FADD: variants seen among roughly 807,000 people sequenced by gnomAD.
FADD encodes the protein Fas associated via death domain.
In FADD, 3 loss-of-function variants were observed where a neutral mutation model predicts 5.8. That is an observed-to-expected ratio of 0.52 (90% confidence interval 0.24 to 1.34). The LOEUF (loss-of-function observed/expected upper bound fraction) is 1.34. Ranked by LOEUF, FADD falls within the 40% of genes most tolerant of loss-of-function variation. FADD has a pLI of 0.17. For missense variants in FADD, 249 were observed against 286.7 expected (o/e 0.87, Z 0.95); for synonymous variants, 138 against 130.8 (o/e 1.06, Z -0.38).
chr11:70,206,440 G>A lies in FADD; in HGVS notation c.594G>A (p.Trp198Ter), dbSNP rs1323182567. The change falls in exon 2 of 2, where the codon TGG becomes TGA. Residue 198 changes from tryptophan (W) to a stop codon, truncating the protein, a stop_gained. Coordinates refer to ENST00000301838, the MANE Select transcript of FADD (RefSeq NM_003824.4). LOFTEE classifies it low-confidence loss of function (END_TRUNC). The stretch of plus-strand genomic sequence containing the variant: ...GTGGGGCCATGTCCCCGATGTCATG[G>A]AACTCAGACGCATCTACCTCCGAAG... ...NRSGAMSPMS[W>*]NSDASTSEAS The A allele has an allele frequency of 1.2e-6, 2 of 1,614,072 alleles. No individual in the cohort carries two copies. Among genetic ancestry groups the A allele is most frequent in the Non-Finnish European group, 1.7e-6 (2 of 1,180,038 alleles).
intron 1 of FADD, among the ~76,000 whole-genome samples, chr11:70,204,649 G>T (rs576189464): frequency 1.3e-5 from 2 of 152,248 alleles, no homozygotes; most frequent in South Asian, 4.1e-4. Flanking sequence ...AAAGACTGGT[G>T]CCTGTTGGGG....
At chr11:70,205,530 G>T (rs184497052) in intron 1 of FADD, among the ~76,000 whole-genome samples, 1 of 152,094 alleles carries the variant, frequency 6.6e-6, no homozygotes, top group Non-Finnish European at 1.5e-5. Flanking sequence ...TCCGGGTCTC[G>T]TCCGCTTTGT....
chr11:70,203,982 G>A (rs1214723706), intron 1 of FADD, among the ~76,000 whole-genome samples: 4 of 151,768 alleles, frequency 2.6e-5, no homozygotes, highest in Admixed American at 6.6e-5. Flanking sequence ...CTTCTGCCCG[G>A]GTAAATTAGA....
rs767584770 is a variant in FADD, at chr11:70,206,179, T to C, written c.333T>C (p.Asp111=). The C allele has an allele frequency of 1.7e-5, 28 of 1,614,050 alleles. No individual in the cohort carries two copies. Among genetic ancestry groups the C allele is most frequent in the South Asian group, 3.3e-5 (3 of 91,070 alleles). The change falls in exon 2 of 2, where the codon GAT becomes GAC. Residue 111 remains aspartate, a synonymous_variant. Transcript: ENST00000301838. ...TCATATGTGATAATGTGGGGAAAGA[T>C]TGGAGAAGGCTGGCTCGTCAGCTCA... ...FNVICDNVGK[D]WRRLARQLKV...
Position 70,206,149 on chromosome 11 carries a change from T to A in FADD, c.303T>A (p.Phe101Leu), listed in dbSNP as rs769168387. ...APGEEDLCAA[F>L]NVICDNVGKD... ...CCTTCCCAGACCTGTGTGCAGCATTTAACGTCATATGTGATAATGTGGGGA... is the reference window on the plus strand; with the variant it reads ...CCTTCCCAGACCTGTGTGCAGCATTAAACGTCATATGTGATAATGTGGGGA... The change falls in exon 2 of 2, where the codon TTT becomes TTA. Residue 101 changes from phenylalanine (F) to leucine (L), a missense_variant. By Grantham distance (22) the Phe-to-Leu change is conservative. Coordinates refer to ENST00000301838, the MANE Select transcript of FADD (RefSeq NM_003824.4). The A allele has an allele frequency of 1.1e-5, 18 of 1,614,048 alleles. No homozygotes were observed. Among genetic ancestry groups the A allele is most frequent in the Non-Finnish European group, 1.4e-5 (17 of 1,179,968 alleles).
In FADD at chr11:70,206,798, A is replaced by G; in HGVS notation, c.*325A>G. The G allele has an allele frequency of 2.6e-6, 1 of 378,318 alleles. No individual in the cohort carries two copies. 23.4% of individuals were successfully genotyped at this position (378,318 alleles called of 1,614,324 possible). A position where few individuals can be genotyped will look rare whatever the true frequency, so the allele number is the denominator to read the frequency against. ...GGAATCTGTGCAGATGAGCAGTCAC[A>G]CTGTTACTCCACAGCGGAGGAGACC... On this transcript the variant is annotated 3_prime_UTR_variant, in exon 2 of 2. Transcript: ENST00000301838.
chr11:70,206,676 C>T lies in FADD; in HGVS notation c.*203C>T. The T allele has an allele frequency of 8.4e-6, 5 of 594,690 alleles. No individual in the cohort carries two copies. Among genetic ancestry groups the T allele is most frequent in the Non-Finnish European group, 1.5e-5 (5 of 333,176 alleles). The allele number at this position is 594,690 out of a possible 1,614,324, so 36.8% of individuals were successfully genotyped here. On this transcript the variant is annotated 3_prime_UTR_variant, in exon 2 of 2. Coordinates refer to ENST00000301838, the MANE Select transcript of FADD (RefSeq NM_003824.4). ...GGCTTGGGCCCTGCACAGATATTTC[C>T]ATTTCTTCCTCACTATGACACTGAG...
rs902801368 is a variant in FADD, at chr11:70,203,371, A to G, written c.-89A>G. On this transcript the variant is annotated 5_prime_UTR_variant, in exon 1 of 2. Transcript: ENST00000301838. ...GGTGGAATCCTTGGGCCGCTGGGCA[A>G]GCGGCGAGACCTGGCCAGGGCCAGC... The G allele has an allele frequency of 4.6e-6, 7 of 1,529,698 alleles. No homozygotes were observed. The African/African-American group carries it at 8.4e-5, about 18-fold the overall frequency. The allele number at this position is 1,529,698 out of a possible 1,614,324, so 94.8% of individuals were successfully genotyped here. A position where few individuals can be genotyped will look rare whatever the true frequency, so the allele number is the denominator to read the frequency against.
At position 70,206,170 on chromosome 11, in the gene FADD, G is replaced by A. The variant is rs41269121; in HGVS notation, c.324G>A (p.Val108=). The part of the protein sequence containing the change: ...CAAFNVICDN[V]GKDWRRLARQ... ...CATTTAACGTCATATGTGATAATGT[G>A]GGGAAAGATTGGAGAAGGCTGGCTC... Residue 108 remains valine (V), a synonymous_variant, in exon 2 of 2, where the codon GTG becomes GTA. Transcript: ENST00000301838. 2 of 1,614,124 alleles carry A rather than the reference G, an allele frequency of 1.2e-6. No individual in the cohort carries two copies. Among genetic ancestry groups the A allele is most frequent in the Admixed American group, 3.3e-5 (2 of 60,018 alleles).
Position 70,203,589 on chromosome 11 carries a change from G to T in FADD, c.130G>T (p.Asp44Tyr). Residue 44 changes from aspartate to tyrosine, a missense_variant, in exon 1 of 2, where the codon GAC becomes TAC. Physicochemically the swap from Asp to Tyr is radical, Grantham distance 160. Coordinates refer to ENST00000301838, the MANE Select transcript of FADD (RefSeq NM_003824.4). Reference protein sequence around the residue: ...RKLERVQSGLDLFSMLLEQND... With the variant: ...RKLERVQSGLYLFSMLLEQND... Reference sequence around the variant, plus strand: ...GCTGGAGCGCGTGCAGAGCGGCCTAGACCTCTTCTCCATGCTGCTGGAGCA... The same window carrying T: ...GCTGGAGCGCGTGCAGAGCGGCCTATACCTCTTCTCCATGCTGCTGGAGCA... 1 of 1,612,070 alleles carries T rather than the reference G, an allele frequency of 6.2e-7. No homozygotes were observed. Among genetic ancestry groups the T allele is most frequent in the South Asian group, 1.1e-5 (1 of 91,032 alleles).
rs531922348 is a variant in FADD at position 70,203,723 on chromosome 11, C to T, written c.264C>T (p.Ala88=). 2.9e-6 allele frequency: 4 copies of T among 1,392,040 alleles called. No individual in the cohort carries two copies. The highest frequency in any genetic ancestry group is 1.5e-5 in the African/African-American group (1 of 66,536). The allele number at this position is 1,392,040 out of a possible 1,614,324, so 86.2% of individuals were successfully genotyped here. The part of the protein sequence containing the change: ...RVDDFEAGAA[A]GAAPGEEDLC... ...ACGACTTCGAGGCGGGGGCGGCGGC[C>T]GGGGCCGCGCCTGGGGAAGAAGGTG... The change falls in exon 1 of 2, where the codon GCC becomes GCT. Residue 88 remains alanine, a synonymous_variant. Transcript: ENST00000301838.
In FADD at chr11:70,203,651, C is replaced by A. The variant is rs546083176; in HGVS notation, c.192C>A (p.Arg64=). Residue 64 remains arginine, a synonymous_variant, in exon 1 of 2, where the codon CGC becomes CGA. Transcript: ENST00000301838. The part of the protein sequence containing the change: ...DLEPGHTELL[R]ELLASLRRHD... The stretch of plus-strand genomic sequence containing the variant: ...AGCCCGGGCACACCGAGCTCCTGCG[C>A]GAGCTGCTCGCCTCCCTGCGGCGCC... 5 of 1,568,778 alleles carry A rather than the reference C, an allele frequency of 3.2e-6. No homozygotes were observed. In the South Asian group the frequency reaches 5.8e-5, roughly 18 times the overall value.
At chr11:70,204,988 G>A (rs909246970) in intron 1 of FADD, among the ~76,000 whole-genome samples, 4 of 152,158 alleles carry the variant, frequency 2.6e-5, no homozygotes, top group Admixed American at 2.0e-4. Context: ...GTTAAGGGTC[G>A]ACTCTGGCAC....
In FADD at chr11:70,203,368, G is replaced by A. The variant is rs2049435883; in HGVS notation, c.-92G>A. On this transcript the variant is annotated 5_prime_UTR_variant, in exon 1 of 2. Coordinates refer to ENST00000301838, the MANE Select transcript of FADD (RefSeq NM_003824.4). ...GGGGGTGGAATCCTTGGGCCGCTGG[G>A]CAAGCGGCGAGACCTGGCCAGGGCC... The A allele has an allele frequency of 7.9e-6, 12 of 1,528,602 alleles. No individual in the cohort carries two copies. In the South Asian group the frequency reaches 1.3e-4, roughly 17 times the overall value. The allele number at this position is 1,528,602 out of a possible 1,614,324, so 94.7% of individuals were successfully genotyped here.
intron 1 of FADD, among the ~76,000 whole-genome samples, chr11:70,204,053 GC>G (rs531145900): frequency 3.9e-5 from 6 of 152,116 alleles, no homozygotes; most frequent in Non-Finnish European, 8.8e-5. Context: ...GGTTGGGTGA[GC>G]CTGCCTCGCA....
intron 1 of FADD, among the ~76,000 whole-genome samples, chr11:70,205,513 G>A (rs1458919593): frequency 6.6e-6 from 1 of 152,158 alleles, no homozygotes; most frequent in Non-Finnish European, 1.5e-5. Context: ...CTGTTGGGGA[G>A]GCTCCTTCCG....
Position 70,203,393 on chromosome 11 carries a change from C to T in FADD, c.-67C>T. ...GCAAGCGGCGAGACCTGGCCAGGGC[C>T]AGCGAGCCGAGGACAGAGGGCGCAC... On this transcript the variant is annotated 5_prime_UTR_variant, in exon 1 of 2. Coordinates refer to ENST00000301838, the MANE Select transcript of FADD (RefSeq NM_003824.4). 6.5e-7 allele frequency: 1 copy of T among 1,543,728 alleles called. No homozygotes were observed. Among genetic ancestry groups the T allele is most frequent in the Non-Finnish European group, 8.7e-7 (1 of 1,144,712 alleles).
At chr11:70,205,153 T>C (rs1363550010) in intron 1 of FADD, among the ~76,000 whole-genome samples, 1 of 152,214 alleles carries the variant, frequency 6.6e-6, no homozygotes, top group African/African-American at 2.4e-5. Flanking sequence ...CGGGAGCTGG[T>C]ACACCTGCCA....
chr11:70,205,341 C>A (rs906449327), intron 1 of FADD, among the ~76,000 whole-genome samples: 4 of 152,174 alleles, frequency 2.6e-5, no homozygotes, highest in African/African-American at 9.7e-5. Flanking sequence ...TCACTCGGGG[C>A]AGCTTTCTAA....
Sources: gnomAD v4.1 joint callset for allele counts (sites outside exome capture counted in the v4.1 genomes callset) on GRCh38, gnomAD v4.1.1 for gene constraint, MANE v1.5 for transcripts, NCBI Gene and HGNC (gene_info 2026-07-23, HGNC 2026-07-21) for gene names.